The following PTGR3 variants were observed in gnomAD, a reference collection of about 807,000 sequenced individuals.
The protein encoded by PTGR3 is prostaglandin reductase 3.
At chr18:75,201,352 G>C in the PTGR3 span, 1 of 1,362,964 alleles carries the variant, frequency 7.3e-7, no homozygotes, top group Non-Finnish European at 1.0e-6. Flanking sequence ...AAATTGATTT[G>C]AGTAATTCTG....
chr18:75,205,431 C>T, the PTGR3 span: 1 of 985,392 alleles, frequency 1.0e-6, no homozygotes, highest in East Asian at 1.1e-4. Flanking sequence ...TTCTAGTAAT[C>T]CGACGGGAGG....
chr18:75,208,202 A>C, the PTGR3 span, among the ~76,000 whole-genome samples: 1 of 152,080 alleles, frequency 6.6e-6, no homozygotes, highest in African/African-American at 2.4e-5. Flanking sequence ...CCCCACCCCG[A>C]CCCTGGCCCA....
At chr18:75,201,567 A>T in the PTGR3 span, 1 of 1,614,144 alleles carries the variant, frequency 6.2e-7, no homozygotes. Context: ...CTCACAAACC[A>T]GGTCTCCGCT....
chr18:75,202,219 CAG>C, the PTGR3 span: 42 of 1,614,174 alleles, frequency 2.6e-5, no homozygotes, highest in Non-Finnish European at 3.3e-5. Context: ...CTGGCACTAG[CAG>C]AGAGGCCTAG....
the PTGR3 span, chr18:75,200,018 TG>T: frequency 6.6e-6 from 1 of 152,492 alleles, no homozygotes; most frequent in Non-Finnish European, 1.5e-5. Flanking sequence ...GCTCCTCAGA[TG>T]GAAGGAAAGA....
chr18:75,201,564 A>G, the PTGR3 span: 1 of 1,614,176 alleles, frequency 6.2e-7, no homozygotes, highest in Non-Finnish European at 8.5e-7. Context: ...CACCTCACAA[A>G]CCAGGTCTCC....
chr18:75,204,835 G>C, the PTGR3 span, among the ~76,000 whole-genome samples: 1 of 152,114 alleles, frequency 6.6e-6, no homozygotes, highest in Non-Finnish European at 1.5e-5. Context: ...GCTCCGCCTG[G>C]GTGGACAAGT....
the PTGR3 span, chr18:75,196,482 A>T: frequency 6.6e-6 from 1 of 151,736 alleles, no homozygotes; most frequent in African/African-American, 2.4e-5. Context: ...ATACAAAAAA[A>T]TTAGCCGGGC....
chr18:75,200,076 T>A, the PTGR3 span: 9 of 152,260 alleles, frequency 5.9e-5, no homozygotes, highest in Non-Finnish European at 5.9e-5. Flanking sequence ...TTTAATTGCG[T>A]CCATATTTAC....
chr18:75,205,265 G>GA, the PTGR3 span: 1 of 985,702 alleles, frequency 1.0e-6, no homozygotes, highest in Non-Finnish European at 1.2e-6. Flanking sequence ...GGCGCAAAGC[G>GA]AATGCGGGGC....
At chr18:75,204,349 G>A in the PTGR3 span, among the ~76,000 whole-genome samples, 1 of 152,256 alleles carries the variant, frequency 6.6e-6, no homozygotes, top group Non-Finnish European at 1.5e-5. Context: ...TGGGGAGCGC[G>A]CACACGCGCT....
chr18:75,205,046 G>A, the PTGR3 span: 1 of 623,368 alleles, frequency 1.6e-6, no homozygotes, highest in Non-Finnish European at 2.0e-6. Flanking sequence ...CGGCGGCTCG[G>A]GTGGCTCCTC....
chr18:75,205,913 C>T, the PTGR3 span, among the ~76,000 whole-genome samples: 1 of 152,134 alleles, frequency 6.6e-6, no homozygotes, highest in East Asian at 1.9e-4. Context: ...CCCCCACCGT[C>T]CCTTAGCCAT....
chr18:75,197,688 A>G, the PTGR3 span: 1 of 152,272 alleles, frequency 6.6e-6, no homozygotes, highest in African/African-American at 2.4e-5. Flanking sequence ...CTGGGAAATT[A>G]GTTACTGAAC....
the PTGR3 span, among the ~76,000 whole-genome samples, chr18:75,203,472 G>A: frequency 6.6e-6 from 1 of 152,252 alleles, no homozygotes; most frequent in East Asian, 1.9e-4. Context: ...CACTTTCACG[G>A]TGATATAGGT....
chr18:75,203,610 C>G, the PTGR3 span, among the ~76,000 whole-genome samples: 4 of 152,184 alleles, frequency 2.6e-5, no homozygotes, highest in South Asian at 4.1e-4. Context: ...AAGCTGCATT[C>G]AGACGCCAGC....
the PTGR3 span, chr18:75,208,964 G>T: frequency 6.3e-7 from 1 of 1,595,628 alleles, no homozygotes; most frequent in Non-Finnish European, 8.5e-7. Flanking sequence ...CTTCTGCATG[G>T]CTTGGGGAAT....
the PTGR3 span, chr18:75,195,540 C>T: frequency 2.0e-5 from 3 of 152,216 alleles, no homozygotes; most frequent in African/African-American, 7.2e-5. Flanking sequence ...CACCTTTTCT[C>T]TCTGGGTCCC....
the PTGR3 span, among the ~76,000 whole-genome samples, chr18:75,204,018 G>GACCC: frequency 6.6e-6 from 1 of 152,196 alleles, no homozygotes; most frequent in Non-Finnish European, 1.5e-5. Context: ...GACAGGAGCC[G>GACCC]ACCCACTGCC....
Sources: gnomAD v4.1 joint callset for allele counts (sites outside exome capture counted in the v4.1 genomes callset) on GRCh38, gnomAD v4.1.1 for gene constraint, MANE v1.5 for transcripts, NCBI Gene and HGNC (gene_info 2026-07-23, HGNC 2026-07-21) for gene names.